PRKN: variants seen among roughly 807,000 people sequenced by gnomAD.
PRKN encodes the protein E3 ubiquitin-protein ligase parkin.
A neutral mutation model predicts 59.5 loss-of-function variants in PRKN; 56 were observed. That is an observed-to-expected ratio of 0.94 (90% CI 0.76 to 1.18). The LOEUF (loss-of-function observed/expected upper bound fraction) is 1.18, where lower values mean the gene tolerates loss of function less well. Among genes scored for constraint, PRKN ranks in the 50% most tolerant of loss-of-function variants. PRKN has a pLI of 0.00. For synonymous variants in PRKN, 250 were observed against 222.1 expected (o/e 1.13, Z -1.12); for missense variants, 657 against 596.4 (o/e 1.10, Z -1.06).
chr6:162,477,012 T>A (rs1792056658), intron 1 of PRKN, among the ~76,000 whole-genome samples: 1 of 152,184 alleles, frequency 6.6e-6, no homozygotes. Flanking sequence ...GGACCTGAAG[T>A]GCAGCAACTC....
chr6:162,085,892 G>A (rs1281966396), intron 4 of PRKN, among the ~76,000 whole-genome samples: 2 of 152,028 alleles, frequency 1.3e-5, no homozygotes, highest in African/African-American at 4.8e-5. Flanking sequence ...AAAGTGACAG[G>A]GGAAGCAACA....
At chr6:162,684,913 C>T (rs1018510499) in intron 1 of PRKN, among the ~76,000 whole-genome samples, 1 of 152,056 alleles carries the variant, frequency 6.6e-6, no homozygotes, top group Non-Finnish European at 1.5e-5. Flanking sequence ...AGAACTTCAT[C>T]GGACCTTTAA....
chr6:162,354,952 C>G (rs941806372), intron 2 of PRKN, among the ~76,000 whole-genome samples: 4 of 151,278 alleles, frequency 2.6e-5, no homozygotes, highest in African/African-American at 9.7e-5. Flanking sequence ...TTTACTTTTC[C>G]TCAGTCAATT....
Position 161,874,274 on chromosome 6 carries a change from T to TGTA in PRKN, c.735-88367_735-88366insTAC, listed in dbSNP as rs1337408700. 9.9e-4 allele frequency among the ~76,000 whole-genome samples: 31 copies of TGTA among 31,258 alleles called. 10 individuals carry two copies. The highest frequency in any genetic ancestry group is 2.2e-3 in the African/African-American group (18 of 8,176). 20.5% of individuals were successfully genotyped at this position (31,258 alleles called of 152,430 possible). A position where few individuals can be genotyped will look rare whatever the true frequency, so the allele number is the denominator to read the frequency against. ...TATATATTATATGTAAAATATATAA[T>TGTA]ATATATTATATATTATATATTACAT... On this transcript the variant is annotated intron_variant, in intron 6 of 11. Coordinates refer to ENST00000366898, the MANE Select transcript of PRKN (RefSeq NM_004562.3).
intron 2 of PRKN, among the ~76,000 whole-genome samples, chr6:162,272,116 G>A (rs1354801487): frequency 1.3e-5 from 2 of 152,248 alleles, no homozygotes; most frequent in Non-Finnish European, 2.9e-5. Flanking sequence ...TAGGGGGCGG[G>A]AGGGGGGACC....
At chr6:162,660,380 T>A (rs1183502537) in intron 1 of PRKN, among the ~76,000 whole-genome samples, 1 of 152,188 alleles carries the variant, frequency 6.6e-6, no homozygotes, top group Non-Finnish European at 1.5e-5. Flanking sequence ...GTTCTCTAGT[T>A]CTGCCCACTA....
At chr6:162,337,615 C>G (rs1025046107) in intron 2 of PRKN, among the ~76,000 whole-genome samples, 1 of 152,182 alleles carries the variant, frequency 6.6e-6, no homozygotes, top group Non-Finnish European at 1.5e-5. Flanking sequence ...TGCAGCATTT[C>G]CCGTGGAGCC....
chr6:161,727,676 G>A (rs2128187229), intron 7 of PRKN, among the ~76,000 whole-genome samples: 1 of 152,226 alleles, frequency 6.6e-6, no homozygotes, highest in East Asian at 1.9e-4. Flanking sequence ...AGCCTTCTGT[G>A]TCTGCCTTTA....
intron 6 of PRKN, among the ~76,000 whole-genome samples, chr6:161,954,200 G>T (rs1404914667): frequency 6.6e-6 from 1 of 152,102 alleles, no homozygotes; most frequent in Non-Finnish European, 1.5e-5. Flanking sequence ...ATAATACATC[G>T]AAGCGAAGCA....
At chr6:162,569,717 C>T in intron 1 of PRKN, 1 of 572,128 alleles carries the variant, frequency 1.7e-6, no homozygotes, top group South Asian at 1.7e-5. Context: ...CTCTGATGTC[C>T]TTCCTAAGTG....
chr6:162,156,086 A>G (rs375802397), intron 4 of PRKN, among the ~76,000 whole-genome samples: 1 of 146,868 alleles, frequency 6.8e-6, no homozygotes, highest in African/African-American at 2.5e-5. Context: ...TTAGACTAAA[A>G]TATTTTAATA....
At chr6:161,680,726 CATATATATATATATATATAT>C (rs56954052) in intron 7 of PRKN, among the ~76,000 whole-genome samples, 668 of 50,960 alleles carry the variant, frequency 0.013, 17 homozygotes, top group Middle Eastern at 0.02. Context: ...TCCTGAAATA[CATATATATATATATATATAT>C]ATATATATAT....
At chr6:162,620,810 T>C (rs1340487894) in intron 1 of PRKN, among the ~76,000 whole-genome samples, 2 of 152,206 alleles carry the variant, frequency 1.3e-5, no homozygotes, top group African/African-American at 4.8e-5. Context: ...TGCCTTAGCC[T>C]TCCAAAGTGT....
rs540519111 is a variant in PRKN, at chr6:162,308,486, G to A, written c.172-45721C>T. ...TTTATTGCTTGTAGTGAAATTGATCGGTATCTCCGGCATGATGAGGTCATG... is the reference window on the plus strand; with the variant it reads ...TTTATTGCTTGTAGTGAAATTGATCAGTATCTCCGGCATGATGAGGTCATG... On this transcript the variant is annotated intron_variant, in intron 2 of 11. Transcript: ENST00000366898. Among the ~76,000 whole-genome samples the A allele has an allele frequency of 5.9e-5, 9 of 152,244 alleles. No individual in the cohort carries two copies. In the South Asian group the frequency reaches 1.5e-3, roughly 25 times the overall value.
rs772406092 is a variant in PRKN, at chr6:161,445,036, A to G, written c.1084-58159T>C. On this transcript the variant is annotated intron_variant, in intron 9 of 11. Transcript: ENST00000366898. This position sits in a 1 kb window ranked among gnomAD's most constrained non-coding sequence, Gnocchi z 7.7. ...CTCTAGGTAACCAACCCCTGCCTAC[A>G]TTTTACTCTGGATTCCAAGAGTAGA... Among the ~76,000 whole-genome samples the G allele has an allele frequency of 6.6e-6, 1 of 151,922 alleles. No individual in the cohort carries two copies. The highest frequency in any genetic ancestry group is 2.4e-5 in the African/African-American group (1 of 41,334).
chr6:161,599,762 C>T (rs2128143138), intron 7 of PRKN, among the ~76,000 whole-genome samples: 1 of 152,270 alleles, frequency 6.6e-6, no homozygotes, highest in East Asian at 1.9e-4. Flanking sequence ...TCGCTAGCTA[C>T]CCAGTTTTCT....
intron 4 of PRKN, among the ~76,000 whole-genome samples, chr6:162,084,199 T>C (rs1779167006): frequency 6.6e-6 from 1 of 152,104 alleles, no homozygotes; most frequent in Non-Finnish European, 1.5e-5. Context: ...GTGCAAAAGA[T>C]TTTTACCATT....
chr6:162,398,531 C>A (rs1329548372), intron 2 of PRKN, among the ~76,000 whole-genome samples: 1 of 152,116 alleles, frequency 6.6e-6, no homozygotes, highest in Non-Finnish European at 1.5e-5. Flanking sequence ...GCTGGGATTA[C>A]AGGCACCCAG....
At chr6:162,284,207 A>C (rs968728784) in intron 2 of PRKN, among the ~76,000 whole-genome samples, 2 of 63,612 alleles carry the variant, frequency 3.1e-5, no homozygotes, top group African/African-American at 1.2e-4. Context: ...GTATTGTGTT[A>C]TTTCTTTCTT....
Sources: gnomAD v4.1 joint callset for allele counts (sites outside exome capture counted in the v4.1 genomes callset) on GRCh38, gnomAD v4.1.1 for gene constraint, Gnocchi (gnomAD v3.1) non-coding constraint, MANE v1.5 for transcripts, NCBI Gene and HGNC (gene_info 2026-07-23, HGNC 2026-07-21) for gene names.